NELL1: variants seen among roughly 807,000 people sequenced by gnomAD.
NELL1 encodes the protein protein kinase C-binding protein NELL1.
Under a neutral mutation model 107.4 loss-of-function variants are expected in NELL1, and 76 were observed. That is an observed-to-expected ratio of 0.71 (90% confidence interval 0.59 to 0.86). The LOEUF (loss-of-function observed/expected upper bound fraction) is 0.86, where lower values mean the gene tolerates loss of function less well. Ranked by LOEUF, NELL1 falls within the 40% of genes least tolerant of loss-of-function variation. The pLI is 0.00. For missense variants in NELL1, 1,024 were observed against 1,005.5 expected, an observed-to-expected ratio of 1.02 and a Z score of -0.25; for synonymous variants, 353 against 341.2, an observed-to-expected ratio of 1.03 and a Z score of -0.38.
chr11:20,887,202 C>A (rs1849527149), intron 5 of NELL1, among the ~76,000 whole-genome samples: 1 of 152,150 alleles, frequency 6.6e-6, no homozygotes. Flanking sequence ...TATTCCAGTT[C>A]TGTTGTATGA....
intron 15 of NELL1, among the ~76,000 whole-genome samples, chr11:21,486,543 G>A (rs1464339007): frequency 1.3e-5 from 2 of 152,052 alleles, no homozygotes; most frequent in East Asian, 3.9e-4. Flanking sequence ...GCAGATGTCA[G>A]CATAAGGAAA....
chr11:20,834,578 C>A (rs1278483500), intron 3 of NELL1, among the ~76,000 whole-genome samples: 1 of 152,012 alleles, frequency 6.6e-6, no homozygotes, highest in Non-Finnish European at 1.5e-5. Flanking sequence ...TGGCGGGCAC[C>A]TGTAGTCCCA....
At chr11:20,975,732 A>ATATACATATT (rs1851599047) in intron 12 of NELL1, among the ~76,000 whole-genome samples, 4 of 96,174 alleles carry the variant, frequency 4.2e-5, no homozygotes, top group Non-Finnish European at 6.0e-5. Flanking sequence ...TGTATTATAT[A>ATATACATATT]ATGTATGTAT....
In NELL1 at chr11:20,673,815, T is replaced by C. The variant is rs116153948; in HGVS notation, c.55+4037T>C. On this transcript the variant is annotated intron_variant, in intron 1 of 19. Coordinates refer to ENST00000357134, the MANE Select transcript of NELL1 (RefSeq NM_006157.5). ...TTCCTAGGAAAGGGCAGGAGCTCCA[T>C]GCTTGGACAAGAAGCAGAAACAATA... Among the ~76,000 whole-genome samples, 910 of 151,824 alleles carry C rather than the reference T, an allele frequency of 6.0e-3. 16 individuals carry two copies. Among genetic ancestry groups the C allele is most frequent in the African/African-American group, 0.021 (868 of 41,300 alleles).
chr11:21,554,127 G>A (rs61211384), intron 16 of NELL1, among the ~76,000 whole-genome samples: 22,501 of 151,718 alleles, frequency 0.15, 1,863 homozygotes, highest in African/African-American at 0.22. Context: ...CTCTCTGCTG[G>A]TCAGAACTGT....
At chr11:21,374,913 GTGTGT>G (rs1219135143) in intron 15 of NELL1, among the ~76,000 whole-genome samples, 2 of 151,778 alleles carry the variant, frequency 1.3e-5, no homozygotes, top group Non-Finnish European at 2.9e-5. Context: ...GTGTGTGTGT[GTGTGT>G]GTGTGTGTGT....
chr11:21,284,798 C>A, intron 14 of NELL1: 1 of 338,936 alleles, frequency 3.0e-6, no homozygotes. Context: ...TGCTGGATTA[C>A]CTCAAACTCC....
chr11:20,990,890 C>T (rs1001254316), intron 12 of NELL1, among the ~76,000 whole-genome samples: 2 of 152,152 alleles, frequency 1.3e-5, no homozygotes, highest in African/African-American at 4.8e-5. Flanking sequence ...CATCCAATTG[C>T]ACTGGCTTCT....
At chr11:21,005,424 A>G (rs1590529332) in intron 12 of NELL1, among the ~76,000 whole-genome samples, 1 of 152,178 alleles carries the variant, frequency 6.6e-6, no homozygotes, top group South Asian at 2.1e-4. Flanking sequence ...TTCAGACTGG[A>G]CAGTGGCAGG....
intron 15 of NELL1, among the ~76,000 whole-genome samples, chr11:21,488,324 TA>T (rs1339721905): frequency 6.6e-6 from 1 of 152,214 alleles, no homozygotes; most frequent in Non-Finnish European, 1.5e-5. Context: ...AAACTTCTTC[TA>T]TTTTTTTGAA....
chr11:21,433,894 C>T (rs906372273), intron 15 of NELL1, among the ~76,000 whole-genome samples: 2 of 152,042 alleles, frequency 1.3e-5, no homozygotes, highest in Non-Finnish European at 2.9e-5. Flanking sequence ...AGGCTGGTCT[C>T]GAACTCCCGG....
At chr11:21,014,036 G>A (rs561280449) in intron 12 of NELL1, among the ~76,000 whole-genome samples, 1 of 152,146 alleles carries the variant, frequency 6.6e-6, no homozygotes, top group African/African-American at 2.4e-5. Flanking sequence ...TACACTTAGG[G>A]TTATAATACA....
intron 12 of NELL1, among the ~76,000 whole-genome samples, chr11:21,003,964 A>T (rs1489458944): frequency 6.6e-6 from 1 of 152,160 alleles, no homozygotes; most frequent in African/African-American, 2.4e-5. Context: ...TGAGAAAAAT[A>T]GAGGACTCAT....
intron 13 of NELL1, among the ~76,000 whole-genome samples, chr11:21,194,955 G>A (rs1006898967): frequency 1.3e-5 from 2 of 152,134 alleles, no homozygotes; most frequent in African/African-American, 2.4e-5. Flanking sequence ...GTTATCAAGA[G>A]GTAATGCCTG....
chr11:20,768,933 T>G (rs1856587901), intron 2 of NELL1, among the ~76,000 whole-genome samples: 1 of 152,188 alleles, frequency 6.6e-6, no homozygotes. Flanking sequence ...TGCAGTAATT[T>G]GTCACAACAG....
rs1469562781 is a variant in NELL1 at position 20,885,307 on chromosome 11, A to G, written c.507-137A>G. 10 of 614,398 alleles carry G rather than the reference A, an allele frequency of 1.6e-5. No individual in the cohort carries two copies. In the East Asian group the frequency reaches 2.6e-4, roughly 16 times the overall value. The allele number at this position is 614,398 out of a possible 1,614,324, so 38.1% of individuals were successfully genotyped here. A position where few individuals can be genotyped will look rare whatever the true frequency, so the allele number is the denominator to read the frequency against. On this transcript the variant is annotated intron_variant, in intron 4 of 19. Coordinates refer to ENST00000357134, the MANE Select transcript of NELL1 (RefSeq NM_006157.5). ...AGTGTTAGATCTCTACATTCATGTT[A>G]TCTGTCATGTAAAGTGTGCCACATA...
intron 13 of NELL1, among the ~76,000 whole-genome samples, chr11:21,153,219 T>C (rs1856157283): frequency 6.6e-6 from 1 of 152,134 alleles, no homozygotes; most frequent in Non-Finnish European, 1.5e-5. Context: ...TTTAACCAGA[T>C]GGACCATTCA....
At chr11:21,442,736 A>G (rs560090387) in intron 15 of NELL1, among the ~76,000 whole-genome samples, 8 of 152,306 alleles carry the variant, frequency 5.3e-5, no homozygotes, top group African/African-American at 1.9e-4. Flanking sequence ...AAGAGCCACT[A>G]TCTAATGAAG....
At chr11:21,193,607 T>G (rs2133838559) in intron 13 of NELL1, among the ~76,000 whole-genome samples, 1 of 152,050 alleles carries the variant, frequency 6.6e-6, no homozygotes. Context: ...ATAAGTACAT[T>G]TAAAGTGGAA....
Sources: gnomAD v4.1 joint callset for allele counts (sites outside exome capture counted in the v4.1 genomes callset) on GRCh38, gnomAD v4.1.1 for gene constraint, MANE v1.5 for transcripts, NCBI Gene and HGNC (gene_info 2026-07-23, HGNC 2026-07-21) for gene names.